Variants in KAZN observed in about 807,000 individuals in gnomAD.
KAZN encodes kazrin, periplakin interacting protein.
A neutral mutation model predicts 87.4 loss-of-function variants in KAZN; 40 were observed. The observed-to-expected ratio is 0.46, with a 90% CI of 0.36 to 0.60. KAZN has a LOEUF of 0.60. Among genes scored for constraint, KAZN ranks in the 20% least tolerant of loss-of-function variants. The pLI, the probability that KAZN is intolerant of heterozygous loss-of-function variation, is 0.00. For missense variants in KAZN, 898 were observed against 1,073.9 expected, an observed-to-expected ratio of 0.84 and a Z score of 2.29; for synonymous variants, 466 against 458.3, an observed-to-expected ratio of 1.02 and a Z score of -0.22.
chr1:15,065,557 C>T, intron 7 of KAZN, 73 bp from the exon 8 acceptor site: 1 of 1,309,848 alleles, frequency 7.6e-7, no homozygotes, highest in Non-Finnish European at 1.1e-6. Flanking sequence ...CCATCCACTG[C>T]AGTCTGCACC....
intron 2 of KAZN, among the ~76,000 whole-genome samples, chr1:14,382,434 C>G (rs1263165619): frequency 7.4e-6 from 1 of 135,382 alleles, no homozygotes; most frequent in African/African-American, 2.8e-5. Flanking sequence ...CGTCATCTAG[C>G]ATTAGGTATA....
intron 8 of KAZN, among the ~76,000 whole-genome samples, chr1:15,092,071 T>TTTG (rs1553188355): frequency 7.2e-6 from 1 of 139,680 alleles, no homozygotes; most frequent in Non-Finnish European, 1.5e-5. Flanking sequence ...TTTTTTTTTT[T>TTTG]GATTTTTTTT....
intron 1 of KAZN, among the ~76,000 whole-genome samples, chr1:14,915,809 G>C (rs1657752031): frequency 6.6e-6 from 1 of 152,110 alleles, no homozygotes; most frequent in Non-Finnish European, 1.5e-5. Flanking sequence ...GGATAGGGTG[G>C]CTTGGCGGGT....
intron 1 of KAZN, among the ~76,000 whole-genome samples, chr1:14,883,355 A>AGGGAG (rs1553150619): frequency 7.3e-4 from 15 of 20,620 alleles, no homozygotes; most frequent in African/African-American, 2.1e-3. Flanking sequence ...AGAAAGAAAG[A>AGGGAG]AAAGAAAGAA....
chr1:14,667,675 C>A (rs1639647605), intron 1 of KAZN, among the ~76,000 whole-genome samples: 1 of 152,004 alleles, frequency 6.6e-6, no homozygotes, highest in African/African-American at 2.4e-5. Flanking sequence ...AAGGGGCATC[C>A]CAGTGGGAAC....
chr1:14,611,675 C>T (rs1677829176), intron 1 of KAZN, among the ~76,000 whole-genome samples: 1 of 145,362 alleles, frequency 6.9e-6, no homozygotes, highest in African/African-American at 2.6e-5. Flanking sequence ...TGTGATAGAG[C>T]AACACCCTGT....
At chr1:13,995,468 T>C (rs7512157) in intron 1 of KAZN, among the ~76,000 whole-genome samples, 21,315 of 152,132 alleles carry the variant, frequency 0.14, 1,577 homozygotes, top group Middle Eastern at 0.22. Flanking sequence ...CCTGACTACT[T>C]GGGAACAGAT....
intron 1 of KAZN, among the ~76,000 whole-genome samples, chr1:14,697,936 T>C (rs1308844474): frequency 1.3e-5 from 2 of 152,148 alleles, no homozygotes; most frequent in Non-Finnish European, 2.9e-5. Flanking sequence ...TCCCAGAGCA[T>C]AGAGCCCTTG....
chr1:14,384,442 G>A (rs532781880), intron 2 of KAZN, among the ~76,000 whole-genome samples: 2,144 of 152,136 alleles, frequency 0.014, 58 homozygotes, highest in African/African-American at 0.048. Context: ...GTATGATATT[G>A]GCTGTGGGTT....
At chr1:14,871,905 G>A (rs1248012609) in intron 1 of KAZN, among the ~76,000 whole-genome samples, 1 of 151,934 alleles carries the variant, frequency 6.6e-6, no homozygotes, top group Non-Finnish European at 1.5e-5. Flanking sequence ...GTTTAGAGGG[G>A]GTGGGCCAGG....
At chr1:14,632,446 A>G (rs1218506546) in intron 1 of KAZN, among the ~76,000 whole-genome samples, 1 of 152,204 alleles carries the variant, frequency 6.6e-6, no homozygotes, top group Non-Finnish European at 1.5e-5. Flanking sequence ...GATTAGTGAC[A>G]TATAAATAAT....
In KAZN at chr1:14,924,860, G is replaced by C. The variant is rs1038958347; in HGVS notation, c.227-35824G>C. Among the ~76,000 whole-genome samples the C allele has an allele frequency of 2.0e-5, 3 of 152,278 alleles. No individual in the cohort carries two copies. In the East Asian group the frequency reaches 5.9e-4, roughly 30 times the overall value. On this transcript the variant is annotated intron_variant, in intron 1 of 14. Coordinates refer to ENST00000376030, the MANE Select transcript of KAZN (RefSeq NM_201628.3). ...GCGCCTGGAGACCCAGCTCCGGGCT[G>C]GACCCCGCGTCTGCTGGGGGAAGCG...
chr1:13,955,471 TG>T (rs1443254508), intron 1 of KAZN, among the ~76,000 whole-genome samples: 1 of 152,178 alleles, frequency 6.6e-6, no homozygotes, highest in Non-Finnish European at 1.5e-5. Flanking sequence ...TTTGGGATTT[TG>T]GTCTTTTGGG....
intron 1 of KAZN, among the ~76,000 whole-genome samples, chr1:14,694,940 C>G (rs140097625): frequency 6.6e-6 from 1 of 152,104 alleles, no homozygotes; most frequent in Non-Finnish European, 1.5e-5. Flanking sequence ...TGCCTTATAT[C>G]GGAGGTCATG....
At chr1:14,715,489 A>G (rs111795560) in intron 1 of KAZN, among the ~76,000 whole-genome samples, 271 of 152,366 alleles carry the variant, frequency 1.8e-3, no homozygotes, top group African/African-American at 6.3e-3. Context: ...GGAAGCCGGC[A>G]GCGCACACAT....
Position 14,062,683 on chromosome 1 carries a change from G to A in KAZN, c.92-117752G>A, listed in dbSNP as rs567431675. ...ACAACCTCTCTGCTGAGGAAGCTTCGAGTCTAGTGTGAAGGAGAATCAATA... is the reference window on the plus strand; with the variant it reads ...ACAACCTCTCTGCTGAGGAAGCTTCAAGTCTAGTGTGAAGGAGAATCAATA... On this transcript the variant is annotated intron_variant, in intron 1 of 16. Transcript: ENST00000636203. Among the ~76,000 whole-genome samples, 45 of 152,200 alleles carry A rather than the reference G, an allele frequency of 3.0e-4. No homozygotes were observed. The South Asian group carries it at 8.7e-3, about 29-fold the overall frequency.
rs1293798819 is a variant in KAZN at position 14,960,785 on chromosome 1, A to G, written c.328A>G (p.Lys110Glu). 1.1e-5 allele frequency: 18 copies of G among 1,611,902 alleles called. No individual in the cohort carries two copies. Among genetic ancestry groups the G allele is most frequent in the Non-Finnish European group, 1.5e-5 (18 of 1,179,304 alleles). The change falls in exon 2 of 15, where the codon AAG (lysine) becomes GAG (glutamate). Residue 110 changes from lysine (K) to glutamate (E), a missense_variant. Transcript: ENST00000376030. ...AKDLEESQGG[K>E]SSEVLSATEL... The stretch of plus-strand genomic sequence containing the variant: ...GGACCTGGAGGAGTCGCAGGGCGGC[A>G]AGTCCTCTGAGGTCCTCTCGGCCAC...
At chr1:14,902,665 A>G (rs967138725) in intron 1 of KAZN, among the ~76,000 whole-genome samples, 2 of 152,148 alleles carry the variant, frequency 1.3e-5, no homozygotes, top group Admixed American at 6.5e-5. Flanking sequence ...ATGTGAATAC[A>G]GCAAAAGTTC....
intron 1 of KAZN, among the ~76,000 whole-genome samples, chr1:13,899,881 T>A (rs1222204971): frequency 6.6e-6 from 1 of 152,134 alleles, no homozygotes; most frequent in Non-Finnish European, 1.5e-5. Flanking sequence ...TGACCTCAGG[T>A]GATCTGCCTG....
Sources: allele counts gnomAD v4.1 joint callset (sites outside exome capture counted in the v4.1 genomes callset), GRCh38; gene constraint gnomAD v4.1.1; transcripts MANE v1.5; gene names NCBI Gene and HGNC (gene_info 2026-07-23, HGNC 2026-07-21).